PDE11A: variants seen among roughly 807,000 people sequenced by gnomAD.
The protein encoded by PDE11A is phosphodiesterase 11A.
A neutral mutation model predicts 100.5 loss-of-function variants in PDE11A; 100 were observed. The ratio of observed to expected loss-of-function variants is 1.00; its 90% CI spans 0.85 to 1.18. PDE11A has a LOEUF of 1.18. PDE11A is among the 50% of genes most tolerant of loss of function. PDE11A has a pLI of 0.00. For synonymous variants in PDE11A, 381 were observed against 420.8 expected (o/e 0.91, Z 1.16); for missense variants, 1,141 against 1,152.6 (o/e 0.99, Z 0.15).
At chr2:177,757,660 A>ACT (rs1384043149) in intron 10 of PDE11A, among the ~76,000 whole-genome samples, 3 of 151,980 alleles carry the variant, frequency 2.0e-5, no homozygotes, top group East Asian at 3.9e-4. Context: ...CCCTTCTCAG[A>ACT]CTCTCACCTT....
intron 5 of PDE11A, among the ~76,000 whole-genome samples, chr2:177,845,212 G>A (rs1232421654): frequency 6.6e-6 from 1 of 151,810 alleles, no homozygotes; most frequent in African/African-American, 2.4e-5. Flanking sequence ...CTGCCGGGCG[G>A]AGACGCTCCT....
chr2:177,908,420 AG>A (rs1281903749), intron 2 of PDE11A, among the ~76,000 whole-genome samples: 1 of 152,172 alleles, frequency 6.6e-6, no homozygotes, highest in African/African-American at 2.4e-5. Context: ...TGAAGGCCAG[AG>A]TAGAAAGTTG....
intron 15 of PDE11A, among the ~76,000 whole-genome samples, chr2:177,694,624 T>C (rs1036780039): frequency 2.0e-5 from 3 of 152,284 alleles, no homozygotes; most frequent in Admixed American, 1.3e-4. Flanking sequence ...CACAGCTAAT[T>C]AGTGGCAGAG....
intron 1 of PDE11A, chr2:178,018,347 G>T: frequency 2.1e-5 from 2 of 96,930 alleles, no homozygotes; most frequent in South Asian, 2.1e-4. Flanking sequence ...GACGCATCAC[G>T]GAAAGCTGCC....
At position 177,701,220 on chromosome 2, in the gene PDE11A, G is replaced by A. The variant is rs1189308202; in HGVS notation, c.2154-9C>T. 2.1e-6 allele frequency: 3 copies of A among 1,411,404 alleles called. No individual in the cohort carries two copies. The highest frequency in any genetic ancestry group is 4.6e-5 in the East Asian group (2 of 43,940). 87.4% of individuals were successfully genotyped at this position (1,411,404 alleles called of 1,614,324 possible). The stretch of plus-strand genomic sequence containing the variant: ...CCAGGGCAGAGCCACTCCTGAAAGA[G>A]GACAGAGGGTGAGTGAGCAGGGCCT... On this transcript the variant is annotated splice_polypyrimidine_tract_variant and intron_variant, in intron 13 of 19. Coordinates refer to ENST00000286063, the MANE Select transcript of PDE11A (RefSeq NM_016953.4).
intron 2 of PDE11A, among the ~76,000 whole-genome samples, chr2:177,958,143 G>C (rs576180222): frequency 6.2e-4 from 94 of 151,982 alleles, no homozygotes; most frequent in African/African-American, 2.2e-3. Context: ...CACCTGCCTC[G>C]GCCTCCCAAG....
chr2:178,000,797 A>G (rs1361706558), intron 2 of PDE11A, among the ~76,000 whole-genome samples: 2 of 152,216 alleles, frequency 1.3e-5, no homozygotes, highest in Non-Finnish European at 2.9e-5. Context: ...TTTAGAAATA[A>G]TGTTTTCCTC....
At position 177,728,045 on chromosome 2, in the gene PDE11A, T is replaced by G; in HGVS notation, c.1916A>C (p.Lys639Thr). The change falls in exon 11 of 20, where the codon AAA becomes ACA. Residue 639 changes from lysine to threonine, a missense_variant. Lys to Thr is a moderately conservative substitution (Grantham distance 78). Coordinates refer to ENST00000286063, the MANE Select transcript of PDE11A (RefSeq NM_016953.4). ...RMFMELGMVQ[K>T]FKIDYETLCR... is the part of the protein sequence containing the mutation. ...TCTTACCTCATAGTCAATTTTAAAT[T>G]TCTGTACCATCCCCAGCTCCATGAA... 1 of 1,613,318 alleles carries G rather than the reference T, an allele frequency of 6.2e-7. No individual in the cohort carries two copies. Among genetic ancestry groups the G allele is most frequent in the Non-Finnish European group, 8.5e-7 (1 of 1,179,496 alleles).
At chr2:177,992,207 C>A (rs908654598) in intron 2 of PDE11A, among the ~76,000 whole-genome samples, 4 of 151,196 alleles carry the variant, frequency 2.6e-5, no homozygotes, top group Non-Finnish European at 5.9e-5. Flanking sequence ...AGCATTATAT[C>A]AAAATAATAC....
At chr2:177,985,883 G>A (rs2085933408) in intron 2 of PDE11A, among the ~76,000 whole-genome samples, 1 of 152,234 alleles carries the variant, frequency 6.6e-6, no homozygotes. Flanking sequence ...TTATGTTGCA[G>A]AAGGGTGGAA....
At chr2:177,995,651 C>CCCCA (rs1553498606) in intron 2 of PDE11A, among the ~76,000 whole-genome samples, 34 of 151,300 alleles carry the variant, frequency 2.2e-4, no homozygotes, top group African/African-American at 8.0e-4. Context: ...ACACCACCCA[C>CCCCA]CCCGCATCTG....
intron 2 of PDE11A, among the ~76,000 whole-genome samples, chr2:177,906,168 C>A (rs917422678): frequency 7.3e-6 from 1 of 136,450 alleles, no homozygotes; most frequent in African/African-American, 2.9e-5. Context: ...CTCTCTCTCA[C>A]ACACACACAC....
chr2:177,794,040 G>C (rs2082670385), intron 9 of PDE11A, among the ~76,000 whole-genome samples: 1 of 152,182 alleles, frequency 6.6e-6, no homozygotes, highest in Admixed American at 6.5e-5. Flanking sequence ...ATCTCTGCCA[G>C]TATGGGGCTT....
chr2:178,105,415 C>A (rs769877284), intron 1 of PDE11A, among the ~76,000 whole-genome samples: 1 of 152,064 alleles, frequency 6.6e-6, no homozygotes, highest in Non-Finnish European at 1.5e-5. Flanking sequence ...GCTGAGATTG[C>A]GCCACTGCAC....
At chr2:177,781,178 C>T (rs910531092) in intron 9 of PDE11A, among the ~76,000 whole-genome samples, 1 of 152,154 alleles carries the variant, frequency 6.6e-6, no homozygotes, top group African/African-American at 2.4e-5. Context: ...TCTTGGAAAA[C>T]AGAGAGGCCC....
At chr2:177,968,893 T>A (rs2085732259) in intron 2 of PDE11A, among the ~76,000 whole-genome samples, 2 of 152,212 alleles carry the variant, frequency 1.3e-5, no homozygotes, top group African/African-American at 4.8e-5. Context: ...AGAAATACCA[T>A]TTGATCTGGC....
chr2:177,671,053 A>G (rs1452004886), intron 17 of PDE11A, among the ~76,000 whole-genome samples: 1 of 152,164 alleles, frequency 6.6e-6, no homozygotes, highest in Non-Finnish European at 1.5e-5. Flanking sequence ...TGAAGAGGAA[A>G]TGGTCCCCTA....
chr2:177,851,438 T>C (rs945610175), intron 5 of PDE11A, among the ~76,000 whole-genome samples: 3 of 152,000 alleles, frequency 2.0e-5, no homozygotes, highest in Non-Finnish European at 4.4e-5. Context: ...TAATGCTAAA[T>C]TACGAGTTAA....
At chr2:177,938,350 T>C (rs1272067001) in intron 2 of PDE11A, among the ~76,000 whole-genome samples, 1 of 152,156 alleles carries the variant, frequency 6.6e-6, no homozygotes, top group Non-Finnish European at 1.5e-5. Flanking sequence ...TTCAAGGACG[T>C]CCATCCATCC....
Sources: allele counts gnomAD v4.1 joint callset (sites outside exome capture counted in the v4.1 genomes callset), GRCh38; gene constraint gnomAD v4.1.1; transcripts MANE v1.5; gene names NCBI Gene and HGNC (gene_info 2026-07-23, HGNC 2026-07-21).